PBK: variants seen among roughly 807,000 people sequenced by gnomAD.
The protein encoded by PBK is lymphokine-activated killer T-cell-originated protein kinase.
PBK carries 22 observed loss-of-function variants against 33.5 expected under a neutral mutation model. The ratio of observed to expected loss-of-function variants is 0.66; its 90% CI spans 0.47 to 0.94. The LOEUF (loss-of-function observed/expected upper bound fraction) is 0.94, where lower values mean the gene tolerates loss of function less well. PBK is among the 40% of genes least tolerant of loss of function. PBK has a pLI of 0.00. For missense variants in PBK, 376 were observed against 383.4 expected, an observed-to-expected ratio of 0.98 and a Z score of 0.16; for synonymous variants, 129 against 123.8, an observed-to-expected ratio of 1.04 and a Z score of -0.28.
intron 6 of PBK, among the ~76,000 whole-genome samples, chr8:27,818,892 G>C (rs1370305422): frequency 6.6e-6 from 1 of 151,996 alleles, no homozygotes; most frequent in Non-Finnish European, 1.5e-5. Context: ...AATATATGGG[G>C]ATTCAAGTGT....
At chr8:27,814,217 G>A (rs926776418) in intron 6 of PBK, among the ~76,000 whole-genome samples, 1 of 152,134 alleles carries the variant, frequency 6.6e-6, no homozygotes, top group African/African-American at 2.4e-5. Flanking sequence ...TTTCTTAGTA[G>A]ACATAGGGCT....
intron 2 of PBK, among the ~76,000 whole-genome samples, chr8:27,831,649 T>A (rs1806133367): frequency 1.3e-5 from 2 of 149,862 alleles, no homozygotes; most frequent in South Asian, 4.2e-4. Context: ...CAAGTCAGAC[T>A]GATTAAGGAA....
rs1319718108 is a variant in PBK at position 27,820,625 on chromosome 8, A to G, written c.535T>C (p.Phe179Leu). ...ACATCACAGATTTTAATTGTTTCAA[A>G]ATCGCCTTTAATTACAACATTTGAA... ...KSSNVVIKGD[F>L]ETIKICDVGV... Residue 179 changes from phenylalanine to leucine, a missense_variant, in exon 6 of 8, where the codon TTT (phenylalanine) becomes CTT (leucine). By Grantham distance (22) the Phe-to-Leu change is conservative (BLOSUM62 0). Coordinates refer to ENST00000301905, the MANE Select transcript of PBK (RefSeq NM_018492.4). 1 of 1,559,866 alleles carries G rather than the reference A, an allele frequency of 6.4e-7. No homozygotes were observed. Among genetic ancestry groups the G allele is most frequent in the Admixed American group, 1.7e-5 (1 of 59,568 alleles).
chr8:27,810,844 T>G (rs1805663290), intron 7 of PBK, 114 bp downstream of exon 7: 1 of 726,290 alleles, frequency 1.4e-6, no homozygotes, highest in Non-Finnish European at 2.3e-6. Flanking sequence ...AGATTAAACC[T>G]TGGTGGTACC....
intron 6 of PBK, among the ~76,000 whole-genome samples, chr8:27,819,431 T>G (rs995217158): frequency 1.3e-5 from 2 of 152,130 alleles, no homozygotes; most frequent in Non-Finnish European, 2.9e-5. Context: ...TTCTAAATAT[T>G]TTATAAATGG....
intron 1 of PBK, among the ~76,000 whole-genome samples, chr8:27,834,810 C>T (rs1359491120): frequency 6.6e-6 from 1 of 151,800 alleles, no homozygotes; most frequent in East Asian, 1.9e-4. Context: ...GCAGAAGAAT[C>T]GCTTGAACCT....
intron 1 of PBK, among the ~76,000 whole-genome samples, chr8:27,836,821 T>C (rs1447598485): frequency 2.0e-5 from 3 of 152,128 alleles, no homozygotes. Flanking sequence ...TACGACTGAG[T>C]CCCACCTTCT....
At chr8:27,826,740 G>A (rs1314328161) in intron 3 of PBK, among the ~76,000 whole-genome samples, 1 of 106,608 alleles carries the variant, frequency 9.4e-6, no homozygotes. Context: ...AGCTTGCAGT[G>A]AGCCGAGATC....
chr8:27,835,049 T>C (rs1386290640), intron 1 of PBK, among the ~76,000 whole-genome samples: 3 of 152,206 alleles, frequency 2.0e-5, no homozygotes, highest in Non-Finnish European at 4.4e-5. Context: ...ATTAGATTTA[T>C]TTATTATAAA....
Position 27,822,297 on chromosome 8 carries a change from TAA to T in PBK, c.465+20_465+21del. 4.0e-6 allele frequency: 6 copies of T among 1,500,260 alleles called. No individual in the cohort carries two copies. The highest frequency in any genetic ancestry group is 5.5e-6 in the Non-Finnish European group (6 of 1,094,612). The allele number at this position is 1,500,260 out of a possible 1,614,324, so 92.9% of individuals were successfully genotyped here. A position where few individuals can be genotyped will look rare whatever the true frequency, so the allele number is the denominator to read the frequency against. ...AATATGAACAAAAACAGAAGTCATT[TAA>T]AATATAATGACATAGTTACCTTTAA... is the stretch of plus-strand genomic sequence containing the variant. On this transcript the variant is annotated intron_variant, in intron 5 of 7. Transcript: ENST00000301905.
At chr8:27,832,266 T>A (rs965633891) in intron 2 of PBK, among the ~76,000 whole-genome samples, 2 of 152,140 alleles carry the variant, frequency 1.3e-5, no homozygotes, top group African/African-American at 4.8e-5. Flanking sequence ...CCACTCACGA[T>A]AATAACTAGA....
At chr8:27,827,856 G>A (rs931603439) in intron 3 of PBK, among the ~76,000 whole-genome samples, 2 of 152,096 alleles carry the variant, frequency 1.3e-5, no homozygotes, top group Non-Finnish European at 2.9e-5. Context: ...TCTTATGGAA[G>A]CCAAGGAAAA....
In PBK at chr8:27,822,501, A is replaced by C. The variant is rs1366178474; in HGVS notation, c.296-13T>G. 6.4e-7 allele frequency: 1 copy of C among 1,565,442 alleles called. No individual in the cohort carries two copies. The highest frequency in any genetic ancestry group is 8.7e-7 in the Non-Finnish European group (1 of 1,150,920). On this transcript the variant is annotated splice_polypyrimidine_tract_variant and intron_variant, in intron 4 of 7. Coordinates refer to ENST00000301905, the MANE Select transcript of PBK (RefSeq NM_018492.4). Reference sequence around the variant, plus strand: ...AAAGCACGATAACCTTAAAGAAAACATGACATTTCTTCACTAATATAGAGA... The same window carrying C: ...AAAGCACGATAACCTTAAAGAAAACCTGACATTTCTTCACTAATATAGAGA...
At chr8:27,828,035 C>T (rs1234766204) in intron 3 of PBK, 70 bp downstream of exon 3, 7 of 769,122 alleles carry the variant, frequency 9.1e-6, no homozygotes, top group East Asian at 5.0e-5. Context: ...TTTCAGACTA[C>T]TTCTTTGTCT....
At chr8:27,826,933 T>G (rs531248444) in intron 3 of PBK, among the ~76,000 whole-genome samples, 15 of 152,174 alleles carry the variant, frequency 9.9e-5, no homozygotes, top group African/African-American at 3.6e-4. Flanking sequence ...GCCATAAACC[T>G]GTGAGAATTT....
intron 3 of PBK, among the ~76,000 whole-genome samples, chr8:27,827,601 G>A (rs540236849): frequency 2.6e-5 from 4 of 152,240 alleles, no homozygotes; most frequent in South Asian, 2.1e-4. Context: ...ATACTTGTTC[G>A]ATTATTTCAT....
Position 27,822,422 on chromosome 8 carries a change from T to A in PBK, c.362A>T (p.Lys121Met). ...LCLAMEYGGE[K>M]SLNDLIEERY... The stretch of plus-strand genomic sequence containing the variant: ...TTCTTCTATTAAGTCATTTAGAGAC[T>A]TTTCACCTCCATATTCCATAGCAAG... Residue 121 changes from lysine (K) to methionine (M), a missense_variant, in exon 5 of 8, where the codon AAG becomes ATG. Lys to Met is a moderately conservative substitution (Grantham distance 95). Transcript: ENST00000301905. The A allele has an allele frequency of 6.2e-7, 1 of 1,612,312 alleles. No homozygotes were observed. Among genetic ancestry groups the A allele is most frequent in the Non-Finnish European group, 8.5e-7 (1 of 1,178,538 alleles).
rs1295366938 is a variant in PBK, at chr8:27,833,143, A to G, written c.-20-10T>C. The stretch of plus-strand genomic sequence containing the variant: ...AAAGCCACTCTCAGTCCTACGATGA[A>G]AACAAATTGCAAGTTACACAGCAGA... On this transcript the variant is annotated splice_polypyrimidine_tract_variant and intron_variant, in intron 1 of 7. Coordinates refer to ENST00000301905, the MANE Select transcript of PBK (RefSeq NM_018492.4). 2.1e-6 allele frequency: 3 copies of G among 1,440,996 alleles called. No homozygotes were observed. Among genetic ancestry groups the G allele is most frequent in the Non-Finnish European group, 2.9e-6 (3 of 1,047,454 alleles). The allele number at this position is 1,440,996 out of a possible 1,614,324, so 89.3% of individuals were successfully genotyped here. A position where few individuals can be genotyped will look rare whatever the true frequency, so the allele number is the denominator to read the frequency against.
chr8:27,820,807 T>C, intron 5 of PBK, 113 bp from the exon 6 acceptor site: 1 of 578,064 alleles, frequency 1.7e-6, no homozygotes, highest in East Asian at 3.3e-5. Flanking sequence ...AGGTTTACAT[T>C]TGTCCAGCGT....
Sources: gnomAD v4.1 joint callset for allele counts (sites outside exome capture counted in the v4.1 genomes callset) on GRCh38, gnomAD v4.1.1 for gene constraint, MANE v1.5 for transcripts, NCBI Gene and HGNC (gene_info 2026-07-23, HGNC 2026-07-21) for gene names.